DLG2: variants seen among roughly 807,000 people sequenced by gnomAD.
DLG2 encodes discs large MAGUK scaffold protein 2.
Under a neutral mutation model 132.5 loss-of-function variants are expected in DLG2, and 45 were observed. That is an observed-to-expected ratio of 0.34 (90% CI 0.27 to 0.44). The LOEUF is 0.44. Ranked by LOEUF, DLG2 falls within the 20% of genes least tolerant of loss-of-function variation. The pLI, the probability that DLG2 is intolerant of heterozygous loss-of-function variation, is 1.00. For missense variants in DLG2, 1,045 were observed against 1,196.9 expected (o/e 0.87, Z 1.87); for synonymous variants, 424 against 419.6 (o/e 1.01, Z -0.13).
intron 3 of DLG2, among the ~76,000 whole-genome samples, chr11:85,551,100 A>G (rs555224322): frequency 8.5e-5 from 13 of 152,338 alleles, no homozygotes; most frequent in African/African-American, 3.1e-4. Flanking sequence ...GGTAAACCAG[A>G]TATATGTGTT....
intron 18 of DLG2, among the ~76,000 whole-genome samples, chr11:83,689,658 T>C (rs1389148208): frequency 2.0e-5 from 3 of 151,946 alleles, no homozygotes; most frequent in Non-Finnish European, 4.4e-5. Flanking sequence ...ACAATGTACT[T>C]ACATTAAATG....
chr11:85,203,448 A>G (rs2081616107), intron 4 of DLG2, among the ~76,000 whole-genome samples: 1 of 152,062 alleles, frequency 6.6e-6, no homozygotes, highest in African/African-American at 2.4e-5. Flanking sequence ...CCTAGAAGAA[A>G]TTAGTGAATA....
chr11:84,768,809 C>G (rs1474246860), intron 6 of DLG2, among the ~76,000 whole-genome samples: 1 of 152,022 alleles, frequency 6.6e-6, no homozygotes, highest in Non-Finnish European at 1.5e-5. Flanking sequence ...ATCTCTCTAG[C>G]CCAGCTCCTA....
At chr11:83,817,226 G>A (rs1302012145) in intron 17 of DLG2, among the ~76,000 whole-genome samples, 2 of 152,152 alleles carry the variant, frequency 1.3e-5, no homozygotes, top group Non-Finnish European at 2.9e-5. Context: ...AGCACATTAA[G>A]AGGGGTACCT....
chr11:84,060,204 T>C lies in DLG2; in HGVS notation c.750-720A>G, dbSNP rs541710997. Among the ~76,000 whole-genome samples, 3 of 152,138 alleles carry C rather than the reference T, an allele frequency of 2.0e-5. No individual in the cohort carries two copies. The East Asian group carries it at 5.8e-4, about 29-fold the overall frequency. ...GGTGTGTGCCTGTAGTTCAGCTACT[T>C]GGGAGGCTGAGAAAAGAGAATTGCT... On this transcript the variant is annotated intron_variant, in intron 10 of 27. Transcript: ENST00000376104.
rs921337545 is a variant in DLG2 at position 85,194,482 on chromosome 11, A to G, written c.187-39831T>C. ...TTACCCATCTTACTGATGTCCTAAA[A>G]GCTGTTTTTCAGTTTAAATGCTGCA... is the stretch of plus-strand genomic sequence containing the variant. On this transcript the variant is annotated intron_variant, in intron 4 of 27. Coordinates refer to ENST00000376104, the MANE Select transcript of DLG2 (RefSeq NM_001142699.3). Among the ~76,000 whole-genome samples, 3 of 152,114 alleles carry G rather than the reference A, an allele frequency of 2.0e-5. No individual in the cohort carries two copies. In the East Asian group the frequency reaches 5.8e-4, roughly 29 times the overall value.
chr11:84,806,851 C>A (rs2153966963), intron 6 of DLG2, among the ~76,000 whole-genome samples: 1 of 152,208 alleles, frequency 6.6e-6, no homozygotes, highest in Non-Finnish European at 1.5e-5. Context: ...TAAATAGCAA[C>A]AGTCTAATGT....
intron 7 of DLG2, among the ~76,000 whole-genome samples, chr11:84,493,534 T>C (rs753838400): frequency 6.6e-6 from 1 of 152,038 alleles, no homozygotes; most frequent in Admixed American, 6.6e-5. Flanking sequence ...ATTGCTCAGG[T>C]CCTTGGATAC....
chr11:83,818,229 G>T (rs1239910495), intron 17 of DLG2, among the ~76,000 whole-genome samples: 1 of 152,170 alleles, frequency 6.6e-6, no homozygotes, highest in Non-Finnish European at 1.5e-5. Context: ...CTGGTGTCTT[G>T]TTGGTCTGGG....
intron 18 of DLG2, among the ~76,000 whole-genome samples, chr11:83,728,054 G>T (rs991194799): frequency 6.6e-6 from 1 of 152,060 alleles, no homozygotes; most frequent in African/African-American, 2.4e-5. Context: ...ATCTAATCAG[G>T]CACCAAATCC....
At chr11:85,393,919 G>C (rs1430841158) in intron 3 of DLG2, among the ~76,000 whole-genome samples, 1 of 152,072 alleles carries the variant, frequency 6.6e-6, no homozygotes, top group Non-Finnish European at 1.5e-5. Flanking sequence ...AAGGGTGTGA[G>C]AGGGATGAAG....
intron 18 of DLG2, among the ~76,000 whole-genome samples, chr11:83,638,709 C>T (rs1278145253): frequency 6.6e-6 from 1 of 152,152 alleles, no homozygotes; most frequent in Non-Finnish European, 1.5e-5. Context: ...GGACACTTGC[C>T]ATCAGGTGGA....
chr11:83,853,956 T>A (rs573850699), intron 16 of DLG2, among the ~76,000 whole-genome samples: 1 of 152,254 alleles, frequency 6.6e-6, no homozygotes, highest in South Asian at 2.1e-4. Flanking sequence ...TGTTCACAGA[T>A]AACATAATAC....
At chr11:84,316,865 T>C in intron 7 of DLG2, 2 of 1,612,760 alleles carry the variant, frequency 1.2e-6, no homozygotes, top group Non-Finnish European at 1.7e-6. Context: ...GGTACAATGC[T>C]CCCCACAAGT....
intron 6 of DLG2, among the ~76,000 whole-genome samples, chr11:84,992,297 T>G (rs1358342648): frequency 6.6e-6 from 1 of 152,220 alleles, no homozygotes; most frequent in African/African-American, 2.4e-5. Context: ...GTTATTTATG[T>G]TTGTCTCCTC....
At chr11:84,001,365 A>T (rs2094337184) in intron 11 of DLG2, among the ~76,000 whole-genome samples, 1 of 151,888 alleles carries the variant, frequency 6.6e-6, no homozygotes, top group South Asian at 2.1e-4. Context: ...AGAAAATTAT[A>T]TAATGATAAT....
At chr11:84,004,978 C>A (rs940196768) in intron 11 of DLG2, among the ~76,000 whole-genome samples, 1 of 143,994 alleles carries the variant, frequency 6.9e-6, no homozygotes. Flanking sequence ...ATAGCTGAAG[C>A]AATCCTGAGC....
At chr11:84,318,957 C>A (rs1439376297) in intron 7 of DLG2, among the ~76,000 whole-genome samples, 1 of 152,076 alleles carries the variant, frequency 6.6e-6, no homozygotes, top group Non-Finnish European at 1.5e-5. Flanking sequence ...AGTTGATACA[C>A]ATTTTTAAAA....
chr11:84,214,871 G>A (rs1489045159), intron 8 of DLG2, among the ~76,000 whole-genome samples: 1 of 152,154 alleles, frequency 6.6e-6, no homozygotes, highest in East Asian at 1.9e-4. Flanking sequence ...TATCAGAAAT[G>A]TGATTAAGTA....
Sources: allele counts gnomAD v4.1 joint callset (sites outside exome capture counted in the v4.1 genomes callset), GRCh38; gene constraint gnomAD v4.1.1; transcripts MANE v1.5; gene names NCBI Gene and HGNC (gene_info 2026-07-23, HGNC 2026-07-21).